PCDH9: variants seen among roughly 807,000 people sequenced by gnomAD.
The protein encoded by PCDH9 is protocadherin-9.
PCDH9 carries 24 observed loss-of-function variants against 70.6 expected under a neutral mutation model. That is an observed-to-expected ratio of 0.34 (90% CI 0.25 to 0.48). PCDH9 has a LOEUF of 0.48. Ranked by LOEUF, PCDH9 falls within the 20% of genes least tolerant of loss-of-function variation. The pLI, the probability that PCDH9 is intolerant of heterozygous loss-of-function variation, is 0.99. For synonymous variants in PCDH9, 562 were observed against 558.5 expected (o/e 1.01, Z -0.09); for missense variants, 1,281 against 1,503.6 (o/e 0.85, Z 2.45).
At chr13:66,840,758 T>C (rs1041431799) in intron 3 of PCDH9, among the ~76,000 whole-genome samples, 4 of 152,182 alleles carry the variant, frequency 2.6e-5, no homozygotes, top group Non-Finnish European at 5.9e-5. Context: ...ATGACAAACA[T>C]AAAATGGTTG....
chr13:66,520,705 T>C (rs1381178780), intron 4 of PCDH9, among the ~76,000 whole-genome samples: 3 of 152,206 alleles, frequency 2.0e-5, no homozygotes. Context: ...AAGTCCATAA[T>C]AGAAGCACTG....
chr13:66,751,852 C>G (rs1007099349), intron 3 of PCDH9, among the ~76,000 whole-genome samples: 1 of 152,202 alleles, frequency 6.6e-6, no homozygotes, highest in Non-Finnish European at 1.5e-5. Flanking sequence ...AGCAGGCAAT[C>G]TGCTAAACAG....
chr13:66,769,367 A>G (rs2079768084), intron 3 of PCDH9, among the ~76,000 whole-genome samples: 1 of 152,132 alleles, frequency 6.6e-6, no homozygotes, highest in African/African-American at 2.4e-5. Context: ...GTATAGGTTA[A>G]ATGCTTGATG....
At chr13:66,646,380 T>A (rs2077771445) in intron 3 of PCDH9, among the ~76,000 whole-genome samples, 1 of 152,226 alleles carries the variant, frequency 6.6e-6, no homozygotes, top group Non-Finnish European at 1.5e-5. Context: ...AAGAAAATTA[T>A]GACCAGCTAT....
intron 4 of PCDH9, among the ~76,000 whole-genome samples, chr13:66,308,516 T>C (rs1040983339): frequency 6.6e-6 from 1 of 152,012 alleles, no homozygotes; most frequent in Non-Finnish European, 1.5e-5. Context: ...GCACTCTACA[T>C]GAAAGGCAGA....
intron 3 of PCDH9, among the ~76,000 whole-genome samples, chr13:66,854,027 T>G (rs1409617762): frequency 6.6e-6 from 1 of 152,234 alleles, no homozygotes; most frequent in African/African-American, 2.4e-5. Flanking sequence ...GGTAAAGCTT[T>G]GAACATGAGA....
chr13:66,379,871 T>G (rs909357569), intron 4 of PCDH9, among the ~76,000 whole-genome samples: 1 of 151,750 alleles, frequency 6.6e-6, no homozygotes, highest in Non-Finnish European at 1.5e-5. Context: ...GACTCTGATT[T>G]AAAAAAAACA....
chr13:66,655,868 T>C (rs959010380), intron 3 of PCDH9, among the ~76,000 whole-genome samples: 7 of 152,202 alleles, frequency 4.6e-5, no homozygotes, highest in African/African-American at 1.7e-4. Context: ...CTGTTCTAGC[T>C]ACAAGAAATG....
At chr13:67,171,950 G>A (rs2088298383) in intron 2 of PCDH9, among the ~76,000 whole-genome samples, 1 of 152,188 alleles carries the variant, frequency 6.6e-6, no homozygotes, top group Admixed American at 6.5e-5. Flanking sequence ...TCTCAAAGAT[G>A]TGAAAGTATT....
At chr13:66,861,388 C>T (rs1316988763) in intron 3 of PCDH9, among the ~76,000 whole-genome samples, 1 of 152,164 alleles carries the variant, frequency 6.6e-6, no homozygotes, top group Non-Finnish European at 1.5e-5. Context: ...TTTTCCCCAT[C>T]AGAAAACAGA....
chr13:66,854,878 T>G (rs764510785), intron 3 of PCDH9, among the ~76,000 whole-genome samples: 2 of 152,108 alleles, frequency 1.3e-5, no homozygotes, highest in Non-Finnish European at 2.9e-5. Flanking sequence ...CAAGGGTCTG[T>G]ATTGATTGAT....
chr13:66,437,798 T>C lies in PCDH9; in HGVS notation c.3341-132770A>G, dbSNP rs1209374104. ...TGCCCCGCAATTCCACTCCTATGTGTATACCTAAAATAATTTCATACTTAT... is the reference window on the plus strand; with the variant it reads ...TGCCCCGCAATTCCACTCCTATGTGCATACCTAAAATAATTTCATACTTAT... On this transcript the variant is annotated intron_variant, in intron 4 of 4. Coordinates refer to ENST00000377865, the MANE Select transcript of PCDH9 (RefSeq NM_203487.3). 2.6e-5 allele frequency among the ~76,000 whole-genome samples: 4 copies of C among 152,088 alleles called. No individual in the cohort carries two copies. In the South Asian group the frequency reaches 6.2e-4, roughly 24 times the overall value.
intron 2 of PCDH9, among the ~76,000 whole-genome samples, chr13:67,048,801 T>C (rs1391902684): frequency 6.6e-6 from 1 of 152,212 alleles, no homozygotes; most frequent in Non-Finnish European, 1.5e-5. Flanking sequence ...TCACACGGTT[T>C]TGCACACAGT....
intron 2 of PCDH9, among the ~76,000 whole-genome samples, chr13:67,160,260 A>T (rs1483283280): frequency 6.6e-6 from 1 of 152,174 alleles, no homozygotes; most frequent in African/African-American, 2.4e-5. Flanking sequence ...TAAAAACACA[A>T]CCTGGCCGGG....
intron 2 of PCDH9, among the ~76,000 whole-genome samples, chr13:67,011,296 C>T (rs2084447560): frequency 6.6e-6 from 1 of 151,802 alleles, no homozygotes; most frequent in East Asian, 1.9e-4. Flanking sequence ...AGTCTAAATT[C>T]TAACAGAACA....
intron 2 of PCDH9, among the ~76,000 whole-genome samples, chr13:67,093,220 C>G (rs1244538153): frequency 6.6e-6 from 1 of 152,096 alleles, no homozygotes; most frequent in Non-Finnish European, 1.5e-5. Flanking sequence ...TTTGGGAAGC[C>G]AAGGTCAGCG....
chr13:66,738,732 C>A (rs1035614085), intron 3 of PCDH9, among the ~76,000 whole-genome samples: 3 of 151,510 alleles, frequency 2.0e-5, no homozygotes, highest in East Asian at 3.9e-4. Context: ...AACTGGAAGA[C>A]AGGGTATCAG....
Position 67,118,691 on chromosome 13 carries a change from G to A in PCDH9, c.3036+106714C>T, listed in dbSNP as rs1440962609. On this transcript the variant is annotated intron_variant, in intron 2 of 4. Transcript: ENST00000377865. ...GTCACAGTTTTTTGCAAAGCAAGAAGCCAGAGAGTATGATAGTATTCAATG... is the reference window on the plus strand; with the variant it reads ...GTCACAGTTTTTTGCAAAGCAAGAAACCAGAGAGTATGATAGTATTCAATG... Among the ~76,000 whole-genome samples, 6 of 152,176 alleles carry A rather than the reference G, an allele frequency of 3.9e-5. 1 individual carries two copies. The highest frequency in any genetic ancestry group is 4.2e-4 in the South Asian group (2 of 4,818).
At chr13:67,071,045 T>A (rs2085751630) in intron 2 of PCDH9, among the ~76,000 whole-genome samples, 1 of 152,124 alleles carries the variant, frequency 6.6e-6, no homozygotes, top group Non-Finnish European at 1.5e-5. Flanking sequence ...TCTCGCTAAC[T>A]TCCCAAACAA....
Sources: allele counts gnomAD v4.1 joint callset (sites outside exome capture counted in the v4.1 genomes callset), GRCh38; gene constraint gnomAD v4.1.1; transcripts MANE v1.5; gene names NCBI Gene and HGNC (gene_info 2026-07-23, HGNC 2026-07-21).